The following METAP1D variants were observed in gnomAD, a reference collection of about 807,000 sequenced individuals.
METAP1D encodes the protein methionyl aminopeptidase type 1D, mitochondrial, also known as methionine aminopeptidase 1D, mitochondrial.
METAP1D carries 31 observed loss-of-function variants against 40.5 expected under a neutral mutation model. The ratio of observed to expected loss-of-function variants is 0.77; its 90% CI spans 0.58 to 1.03. METAP1D has a LOEUF of 1.03. METAP1D is among the 50% of genes least tolerant of loss of function. METAP1D has a pLI of 0.00. For missense variants in METAP1D, 411 were observed against 420.7 expected, an observed-to-expected ratio of 0.98 and a Z score of 0.20; for synonymous variants, 151 against 146.4, an observed-to-expected ratio of 1.03 and a Z score of -0.22.
At chr2:172,077,537 G>C (rs879724808) in intron 6 of METAP1D, among the ~76,000 whole-genome samples, 1 of 151,894 alleles carries the variant, frequency 6.6e-6, no homozygotes, top group Non-Finnish European at 1.5e-5. Context: ...TTTGAATGCT[G>C]TACAAAGGTA....
chr2:172,039,381 C>T (rs1388296728), intron 1 of METAP1D, among the ~76,000 whole-genome samples: 1 of 152,194 alleles, frequency 6.6e-6, no homozygotes, highest in African/African-American at 2.4e-5. Context: ...TGAGCAGCTA[C>T]AACTCCAGGC....
intron 1 of METAP1D, among the ~76,000 whole-genome samples, chr2:172,005,520 T>TTATATATATA (rs34982215): frequency 0.093 from 10,258 of 110,352 alleles, 668 homozygotes; most frequent in Non-Finnish European, 0.14. Flanking sequence ...TGTCTGTATT[T>TTATATATATA]TATATATATA....
chr2:172,034,296 A>T (rs1462323679), intron 1 of METAP1D, among the ~76,000 whole-genome samples: 1 of 152,086 alleles, frequency 6.6e-6, no homozygotes, highest in African/African-American at 2.4e-5. Context: ...GTGTTTTTGA[A>T]ATTTTCTATA....
chr2:172,063,967 A>C (rs971203979), intron 3 of METAP1D, 107 bp downstream of exon 3: 13 of 1,278,932 alleles, frequency 1.0e-5, no homozygotes, highest in Non-Finnish European at 1.3e-5. Context: ...AATTTGTTTT[A>C]AAAATTTATT....
chr2:172,077,563 T>C (rs1690576212), intron 6 of METAP1D, among the ~76,000 whole-genome samples: 2 of 152,240 alleles, frequency 1.3e-5, no homozygotes, highest in South Asian at 4.1e-4. Context: ...CTCAAACGAC[T>C]GTGTTGGATA....
intron 1 of METAP1D, among the ~76,000 whole-genome samples, chr2:172,041,424 A>C (rs910976501): frequency 1.7e-4 from 20 of 120,932 alleles, no homozygotes; most frequent in African/African-American, 4.9e-4. Context: ...GTGCCACTGC[A>C]CTCCAGCCTG....
chr2:172,078,443 G>C (rs941488593), intron 7 of METAP1D, among the ~76,000 whole-genome samples: 1 of 152,180 alleles, frequency 6.6e-6, no homozygotes, highest in South Asian at 2.1e-4. Context: ...TGAGAAGACA[G>C]GGGTGGGCCC....
chr2:172,003,313 A>C (rs1050434642), intron 1 of METAP1D, among the ~76,000 whole-genome samples: 5 of 151,870 alleles, frequency 3.3e-5, no homozygotes, highest in Non-Finnish European at 5.9e-5. Flanking sequence ...GGCCCCAGGA[A>C]CTCTCTCCTA....
intron 6 of METAP1D, chr2:172,072,301 A>G (rs1314290610): frequency 6.0e-6 from 1 of 167,110 alleles, no homozygotes; most frequent in African/African-American, 2.4e-5. Context: ...CCTAGGGTTC[A>G]ACAAATTTAC....
At chr2:172,023,810 A>T (rs1426213217) in intron 1 of METAP1D, among the ~76,000 whole-genome samples, 1 of 152,070 alleles carries the variant, frequency 6.6e-6, no homozygotes, top group Non-Finnish European at 1.5e-5. Context: ...AGTATAGTAA[A>T]ATGTTAATTG....
rs536047627 is a variant in METAP1D at position 172,061,977 on chromosome 2, A to C, written c.198+322A>C. 6.0e-5 allele frequency: 10 copies of C among 167,352 alleles called. No individual in the cohort carries two copies. In the South Asian group the frequency reaches 2.0e-3, roughly 34 times the overall value. The allele number at this position is 167,352 out of a possible 1,614,324, so 10.4% of individuals were successfully genotyped here. ...TTTTCTAACTGTTTTAGAGAAAAAA[A>C]ATTGACTATAAAATTGTGATGATTC... On this transcript the variant is annotated intron_variant, in intron 2 of 9. Coordinates refer to ENST00000315796, the MANE Select transcript of METAP1D (RefSeq NM_199227.3).
chr2:172,036,181 G>A (rs1180220021), intron 1 of METAP1D, among the ~76,000 whole-genome samples: 1 of 151,052 alleles, frequency 6.6e-6, no homozygotes, highest in Non-Finnish European at 1.5e-5. Context: ...GCTGGGCGTG[G>A]TGGCGGGTGC....
intron 6 of METAP1D, among the ~76,000 whole-genome samples, chr2:172,076,898 A>G (rs887041360): frequency 6.6e-6 from 1 of 152,246 alleles, no homozygotes; most frequent in Non-Finnish European, 1.5e-5. Context: ...TTAATAGTAT[A>G]TATGTTCTTG....
intron 8 of METAP1D, 135 bp downstream of exon 8, chr2:172,079,397 CT>C: frequency 1.3e-6 from 1 of 790,352 alleles, no homozygotes. Flanking sequence ...CACTGGAAAT[CT>C]GATTAAATAA....
intron 8 of METAP1D, 58 bp downstream of exon 8, chr2:172,079,320 T>C: frequency 6.4e-7 from 1 of 1,556,136 alleles, no homozygotes; most frequent in South Asian, 1.1e-5. Context: ...CTTTTGCCAC[T>C]GGCCTAGGCC....
intron 1 of METAP1D, among the ~76,000 whole-genome samples, chr2:172,006,346 G>C (rs1410156849): frequency 1.3e-5 from 2 of 152,106 alleles, no homozygotes; most frequent in Non-Finnish European, 2.9e-5. Flanking sequence ...ACCACGCCCA[G>C]CTAATTTTTT....
intron 1 of METAP1D, among the ~76,000 whole-genome samples, chr2:172,022,876 A>C (rs1338906429): frequency 1.3e-5 from 2 of 152,156 alleles, no homozygotes; most frequent in African/African-American, 4.8e-5. Context: ...TTGTCTTGAC[A>C]AAAAATTATA....
At chr2:172,061,792 T>A in intron 2 of METAP1D, 137 bp downstream of exon 2, 1 of 719,566 alleles carries the variant, frequency 1.4e-6, no homozygotes, top group Non-Finnish European at 2.1e-6. Context: ...GATCTAAAAC[T>A]GTGATTTGAG....
chr2:172,026,891 T>G (rs1409694725), intron 1 of METAP1D, among the ~76,000 whole-genome samples: 4 of 152,168 alleles, frequency 2.6e-5, no homozygotes, highest in African/African-American at 7.2e-5. Context: ...TTATCTATAT[T>G]TACTTATTTT....
Sources: allele counts gnomAD v4.1 joint callset (sites outside exome capture counted in the v4.1 genomes callset), GRCh38; gene constraint gnomAD v4.1.1; transcripts MANE v1.5; gene names NCBI Gene and HGNC (gene_info 2026-07-23, HGNC 2026-07-21).